The following EFL1 variants were observed in gnomAD, a reference collection of about 807,000 sequenced individuals.
EFL1 encodes elongation factor-like GTPase 1.
Under a neutral mutation model 126.7 loss-of-function variants are expected in EFL1, and 76 were observed. The ratio of observed to expected loss-of-function variants is 0.60; its 90% confidence interval spans 0.50 to 0.73. The LOEUF (loss-of-function observed/expected upper bound fraction) is 0.73, where lower values mean the gene tolerates loss of function less well. Ranked by LOEUF, EFL1 falls within the 30% of genes least tolerant of loss-of-function variation. The pLI, the probability that EFL1 is intolerant of heterozygous loss-of-function variation, is 0.00. For synonymous variants in EFL1, 410 were observed against 448.4 expected, an observed-to-expected ratio of 0.91 and a Z score of 1.08; for missense variants, 1,128 against 1,343.2, an observed-to-expected ratio of 0.84 and a Z score of 2.50.
Position 82,245,760 on chromosome 15 carries a change from T to C in EFL1, c.245-4357A>G, listed in dbSNP as rs571846756. ...CAGCCTGGACAACATGGTAAGACCATCATCTCTACAAAAAAATTTAAAAAA... is the reference window on the plus strand; with the variant it reads ...CAGCCTGGACAACATGGTAAGACCACCATCTCTACAAAAAAATTTAAAAAA... On this transcript the variant is annotated intron_variant, in intron 4 of 19. Transcript: ENST00000268206. 5.3e-5 allele frequency among the ~76,000 whole-genome samples: 8 copies of C among 151,808 alleles called. No homozygotes were observed. The South Asian group carries it at 1.7e-3, about 32-fold the overall frequency.
At chr15:82,240,619 A>G (rs1176492334) in intron 5 of EFL1, 64 bp from the exon 6 acceptor site, 13 of 1,582,592 alleles carry the variant, frequency 8.2e-6, no homozygotes, top group Non-Finnish European at 1.1e-5. Flanking sequence ...ACATTAGAAA[A>G]TCGTGATTAA....
chr15:82,134,696 A>G (rs567724809), intron 19 of EFL1, among the ~76,000 whole-genome samples: 33 of 152,228 alleles, frequency 2.2e-4, no homozygotes, highest in Non-Finnish European at 4.1e-4. Context: ...TCTCAGTAAT[A>G]AGCGATGAAT....
At chr15:82,241,506 T>C in intron 4 of EFL1, 103 bp from the exon 5 acceptor site, 2 of 1,402,498 alleles carry the variant, frequency 1.4e-6, no homozygotes, top group Non-Finnish European at 1.9e-6. Context: ...AAGAAAAAAC[T>C]GAACAAAGCT....
chr15:82,244,325 A>G (rs879898961), intron 4 of EFL1, among the ~76,000 whole-genome samples: 2 of 152,156 alleles, frequency 1.3e-5, no homozygotes, highest in Admixed American at 1.3e-4. Context: ...ACATAAACGC[A>G]GTTATAGGGG....
intron 19 of EFL1, among the ~76,000 whole-genome samples, chr15:82,136,526 G>A (rs114230195): frequency 1.2e-3 from 185 of 152,298 alleles, no homozygotes; most frequent in African/African-American, 4.2e-3. Context: ...TCATTTAGCT[G>A]TATTGCTCTG....
intron 15 of EFL1, among the ~76,000 whole-genome samples, chr15:82,178,175 G>C (rs1283104516): frequency 1.3e-5 from 2 of 152,184 alleles, no homozygotes; most frequent in Admixed American, 6.5e-5. Flanking sequence ...CATGCTGACA[G>C]AGCATCTTTG....
At chr15:82,132,357 G>A (rs535448087) in intron 19 of EFL1, among the ~76,000 whole-genome samples, 4 of 151,988 alleles carry the variant, frequency 2.6e-5, no homozygotes, top group African/African-American at 4.8e-5. Flanking sequence ...GAGTGCTAAG[G>A]AGCCTCAGTG....
intron 3 of EFL1, among the ~76,000 whole-genome samples, chr15:82,255,564 CCTTT>C (rs1421115271): frequency 5.3e-5 from 8 of 152,132 alleles, no homozygotes; most frequent in Non-Finnish European, 8.8e-5. Context: ...AAGAAATCTT[CCTTT>C]AAGGTCATAA....
intron 15 of EFL1, among the ~76,000 whole-genome samples, chr15:82,208,090 T>G (rs2074545154): frequency 6.6e-6 from 1 of 152,102 alleles, no homozygotes; most frequent in Admixed American, 6.5e-5. Flanking sequence ...TAAAAAGAAC[T>G]TTAAAACATT....
At chr15:82,235,245 G>C (rs1056311986) in intron 7 of EFL1, among the ~76,000 whole-genome samples, 3 of 152,154 alleles carry the variant, frequency 2.0e-5, no homozygotes, top group African/African-American at 7.2e-5. Flanking sequence ...AGTGTTGTCA[G>C]AATTTGGTGA....
chr15:82,236,617 C>T (rs1160656404), intron 7 of EFL1, among the ~76,000 whole-genome samples: 1 of 152,160 alleles, frequency 6.6e-6, no homozygotes, highest in Non-Finnish European at 1.5e-5. Flanking sequence ...AATCCAAAGG[C>T]CCTCTCCTCC....
intron 8 of EFL1, 114 bp from the exon 9 acceptor site, chr15:82,229,224 T>C: frequency 1.2e-6 from 1 of 851,966 alleles, no homozygotes. Context: ...AAAATATTTA[T>C]TCAAAAATAA....
intron 15 of EFL1, among the ~76,000 whole-genome samples, chr15:82,180,603 A>C (rs1181837127): frequency 2.0e-5 from 3 of 152,166 alleles, no homozygotes; most frequent in Non-Finnish European, 4.4e-5. Context: ...AAAAACACTA[A>C]GATATATTTT....
chr15:82,138,615 CA>C (rs2073750310), intron 19 of EFL1, 42 bp downstream of exon 19: 1 of 1,598,648 alleles, frequency 6.3e-7, no homozygotes, highest in East Asian at 2.2e-5. Flanking sequence ...GGAATGTATC[CA>C]TAGATGAGAA....
chr15:82,167,486 G>A (rs2074091780), intron 15 of EFL1, among the ~76,000 whole-genome samples: 1 of 152,034 alleles, frequency 6.6e-6, no homozygotes, highest in African/African-American at 2.4e-5. Context: ...CCTTTAAGAA[G>A]AATTTCAGAA....
chr15:82,196,546 G>C (rs958668397), intron 15 of EFL1, among the ~76,000 whole-genome samples: 3 of 152,234 alleles, frequency 2.0e-5, no homozygotes, highest in African/African-American at 7.2e-5. Flanking sequence ...GGCTGGGATA[G>C]TGTAATTTGC....
intron 15 of EFL1, among the ~76,000 whole-genome samples, chr15:82,180,492 A>T (rs1255692893): frequency 6.6e-6 from 1 of 152,148 alleles, no homozygotes; most frequent in Non-Finnish European, 1.5e-5. Flanking sequence ...CTAATTATCC[A>T]TTAAAAGGGA....
chr15:82,138,624 G>A, intron 19 of EFL1, 34 bp downstream of exon 19: 1 of 1,605,754 alleles, frequency 6.2e-7, no homozygotes, highest in African/African-American at 1.3e-5. Flanking sequence ...CCATAGATGA[G>A]AAGGAAGGAA....
At chr15:82,156,321 T>C (rs909379331) in intron 17 of EFL1, among the ~76,000 whole-genome samples, 29 of 152,102 alleles carry the variant, frequency 1.9e-4, no homozygotes, top group African/African-American at 6.8e-4. Context: ...AGAGTCTTGC[T>C]CTGTTGCCAG....
Sources: gnomAD v4.1 joint callset for allele counts (sites outside exome capture counted in the v4.1 genomes callset) on GRCh38, gnomAD v4.1.1 for gene constraint, MANE v1.5 for transcripts, NCBI Gene and HGNC (gene_info 2026-07-23, HGNC 2026-07-21) for gene names.